Variants in SUMF1 observed in about 807,000 individuals in gnomAD.
The protein encoded by SUMF1 is formylglycine-generating enzyme.
SUMF1 carries 48 observed loss-of-function variants against 47.6 expected under a neutral mutation model. The ratio of observed to expected loss-of-function variants is 1.01; its 90% CI spans 0.80 to 1.28. The LOEUF is 1.28. Among genes scored for constraint, SUMF1 ranks in the 50% most tolerant of loss-of-function variants. The pLI is 0.00. For missense variants in SUMF1, 571 were observed against 485.4 expected (o/e 1.18, Z -1.66); for synonymous variants, 230 against 192.1 (o/e 1.20, Z -1.63).
At chr3:4,316,934 G>C in intron 8 of SUMF1, 1 of 1,549,380 alleles carries the variant, frequency 6.5e-7, no homozygotes, top group Non-Finnish European at 8.7e-7. Context: ...TCAACAGAAA[G>C]GGCCCAATTC....
intron 8 of SUMF1, among the ~76,000 whole-genome samples, chr3:4,239,356 A>G (rs938616573): frequency 6.6e-6 from 1 of 152,176 alleles, no homozygotes; most frequent in Non-Finnish European, 1.5e-5. Flanking sequence ...TCTATAGATT[A>G]CTTTGGGCAG....
At chr3:4,371,526 C>A (rs1296154707) in intron 8 of SUMF1, among the ~76,000 whole-genome samples, 1 of 152,192 alleles carries the variant, frequency 6.6e-6, no homozygotes, top group Admixed American at 6.5e-5. Context: ...AATGCCACAA[C>A]AGAACAGAGG....
chr3:4,046,901 G>A lies in SUMF1; in HGVS notation c.1191+21668C>T, dbSNP rs545643821. 1.4e-4 allele frequency among the ~76,000 whole-genome samples: 21 copies of A among 151,916 alleles called. No individual in the cohort carries two copies. In the East Asian group the frequency reaches 1.9e-3, roughly 14 times the overall value. ...CTTTCCAGGAGGCTTCCCTTCCTTC[G>A]TAATTAAATAAAATTTGAACCCTGA... On this transcript the variant is annotated intron_variant and NMD_transcript_variant, in intron 9 of 12. Transcript: ENST00000448413.
chr3:4,227,340 A>G (rs1696195830), intron 8 of SUMF1, among the ~76,000 whole-genome samples: 1 of 151,824 alleles, frequency 6.6e-6, no homozygotes, highest in South Asian at 2.1e-4. Flanking sequence ...AGAAGCACAC[A>G]GTAGGTGTTA....
Position 4,063,300 on chromosome 3 carries a change from C to G in SUMF1, c.1191+5269G>C, listed in dbSNP as rs1380982386. Among the ~76,000 whole-genome samples, 6 of 152,180 alleles carry G rather than the reference C, an allele frequency of 3.9e-5. No individual in the cohort carries two copies. The East Asian group carries it at 1.2e-3, about 29-fold the overall frequency. On this transcript the variant is annotated intron_variant and NMD_transcript_variant, in intron 9 of 12. Coordinates refer to the SUMF1 transcript ENST00000448413. ...ACTGAACACAGGACCAAGAGCCAGC[C>G]TTACAAACATTTTCTGATAAGCTAC...
At chr3:4,359,516 A>G (rs748467334), downstream of SUMF1, among the ~76,000 whole-genome samples, 9 of 152,176 alleles carry the variant, frequency 5.9e-5, no homozygotes, top group African/African-American at 1.2e-4. Context: ...TCACACTGCT[A>G]TGAAGGAATA....
rs552206644 is a variant in SUMF1, at chr3:4,144,304, C to A, written c.1015-75559G>T. On this transcript the variant is annotated intron_variant and NMD_transcript_variant, in intron 8 of 12. Coordinates refer to the SUMF1 transcript ENST00000448413. The stretch of plus-strand genomic sequence containing the variant: ...ATAGTGGTAGTTTGGGAAACAAGGC[C>A]AAAGAAAAGAATAAGTATGTGGCAG... Among the ~76,000 whole-genome samples the A allele has an allele frequency of 1.4e-4, 22 of 151,926 alleles. No individual in the cohort carries two copies. In the South Asian group the frequency reaches 4.6e-3, roughly 32 times the overall value.
In SUMF1 at chr3:4,316,658, C is replaced by T. The variant is rs1429215598; in HGVS notation, c.1014+59672G>A. ...TACGCAACCACAACGAACCATTTCTCGATCGGATTGTGACGTGTGATGAAA... is the reference window on the plus strand; with the variant it reads ...TACGCAACCACAACGAACCATTTCTTGATCGGATTGTGACGTGTGATGAAA... On this transcript the variant is annotated intron_variant and NMD_transcript_variant, in intron 8 of 12. Coordinates refer to the SUMF1 transcript ENST00000448413. 1.2e-5 allele frequency: 18 copies of T among 1,551,210 alleles called. No homozygotes were observed. The East Asian group carries it at 2.0e-4, about 17-fold the overall frequency.
At chr3:4,106,539 T>C (rs1693162700) in intron 8 of SUMF1, among the ~76,000 whole-genome samples, 7 of 152,136 alleles carry the variant, frequency 4.6e-5, no homozygotes, top group Admixed American at 4.6e-4. Flanking sequence ...ATTCCAACTG[T>C]TTGAAGTGTA....
intron 8 of SUMF1, among the ~76,000 whole-genome samples, chr3:4,094,735 G>C (rs1224456576): frequency 2.0e-5 from 3 of 152,130 alleles, no homozygotes; most frequent in Non-Finnish European, 4.4e-5. Context: ...TTGAACAGTG[G>C]AGTCAAAAGG....
intron 8 of SUMF1, among the ~76,000 whole-genome samples, chr3:4,236,907 C>T (rs895790281): frequency 6.6e-6 from 1 of 152,090 alleles, no homozygotes; most frequent in African/African-American, 2.4e-5. Context: ...ATCCCTGTTA[C>T]CCCACTGACC....
chr3:4,120,650 T>C (rs1358409140), intron 8 of SUMF1, among the ~76,000 whole-genome samples: 2 of 151,956 alleles, frequency 1.3e-5, no homozygotes, highest in African/African-American at 4.8e-5. Context: ...CAGATAGAGA[T>C]TGTCTGGAGG....
At chr3:4,408,996 A>T (rs920851043) in intron 7 of SUMF1, among the ~76,000 whole-genome samples, 2 of 152,148 alleles carry the variant, frequency 1.3e-5, no homozygotes, top group African/African-American at 4.8e-5. Context: ...AAAAGTAATT[A>T]AGTTTTTAAA....
At chr3:4,039,756 C>CATACCCATA (rs1194667444) in intron 9 of SUMF1, among the ~76,000 whole-genome samples, 2 of 152,104 alleles carry the variant, frequency 1.3e-5, no homozygotes, top group Non-Finnish European at 2.9e-5. Context: ...TATGGTGACT[C>CATACCCATA]ATACCCATAA....
At chr3:4,441,980 A>G (rs1057082173) in intron 3 of SUMF1, among the ~76,000 whole-genome samples, 18 of 152,178 alleles carry the variant, frequency 1.2e-4, no homozygotes, top group Non-Finnish European at 2.2e-4. Flanking sequence ...CAGAACGCAA[A>G]CAGGTGAAGA....
intron 8 of SUMF1, chr3:4,316,562 T>A (rs1282256725): frequency 6.4e-7 from 1 of 1,554,724 alleles, no homozygotes; most frequent in South Asian, 1.2e-5. Flanking sequence ...AAAAGCTCGA[T>A]AAGTGGGTGC....
chr3:4,191,911 AAC>A (rs1426341678), intron 8 of SUMF1, among the ~76,000 whole-genome samples: 2 of 152,170 alleles, frequency 1.3e-5, no homozygotes, highest in Non-Finnish European at 2.9e-5. Flanking sequence ...ATAATGTAAT[AAC>A]ACAGAGGAAA....
intron 8 of SUMF1, among the ~76,000 whole-genome samples, chr3:4,283,498 TA>T (rs34574007): frequency 0.33 from 50,659 of 152,028 alleles, 9,399 homozygotes; most frequent in Non-Finnish European, 0.43. Flanking sequence ...AACCCTTTGT[TA>T]AAATTCAAAT....
intron 9 of SUMF1, among the ~76,000 whole-genome samples, chr3:4,056,779 C>T (rs1695199093): frequency 6.6e-6 from 1 of 151,990 alleles, no homozygotes; most frequent in Non-Finnish European, 1.5e-5. Context: ...TCTTGCTCTA[C>T]TGCCCAGGCT....
Sources: allele counts gnomAD v4.1 joint callset (sites outside exome capture counted in the v4.1 genomes callset), GRCh38; gene constraint gnomAD v4.1.1; transcripts MANE v1.5; gene names NCBI Gene and HGNC (gene_info 2026-07-23, HGNC 2026-07-21).